The following ANKRD44 variants were observed in gnomAD, a reference collection of about 807,000 sequenced individuals.
The protein encoded by ANKRD44 is serine/threonine-protein phosphatase 6 regulatory ankyrin repeat subunit B.
Under a neutral mutation model 116.0 loss-of-function variants are expected in ANKRD44, and 35 were observed. The ratio of observed to expected loss-of-function variants is 0.30; its 90% CI spans 0.23 to 0.40. ANKRD44 has a LOEUF of 0.40. ANKRD44 is among the 10% of genes least tolerant of loss of function. The pLI is 1.00. For synonymous variants in ANKRD44, 435 were observed against 461.8 expected, an observed-to-expected ratio of 0.94 and a Z score of 0.74; for missense variants, 1,014 against 1,242.6, an observed-to-expected ratio of 0.82 and a Z score of 2.77.
chr2:197,086,822 C>T (rs1351836709), intron 12 of ANKRD44, 74 bp from the exon 13 acceptor site: 2 of 1,403,590 alleles, frequency 1.4e-6, no homozygotes, highest in Non-Finnish European at 2.0e-6. Flanking sequence ...GAGCTATTTT[C>T]TGCAGAGTAC....
At chr2:197,028,773 C>T (rs141251859) in intron 16 of ANKRD44, 10 of 206,430 alleles carry the variant, frequency 4.8e-5, no homozygotes, top group Middle Eastern at 2.2e-3. Context: ...TTTTAAGCTG[C>T]TGTTTTCTCG....
intron 20 of ANKRD44, 125 bp downstream of exon 20, chr2:197,007,681 C>CA: frequency 1.4e-6 from 1 of 697,686 alleles, no homozygotes; most frequent in East Asian, 2.5e-5. Context: ...TATTAGGAAA[C>CA]AATTTTTGCT....
At chr2:197,100,783 C>T (rs1284206953) in intron 9 of ANKRD44, among the ~76,000 whole-genome samples, 1 of 152,122 alleles carries the variant, frequency 6.6e-6, no homozygotes, top group Non-Finnish European at 1.5e-5. Context: ...AAAACTATGA[C>T]AATAATCATC....
rs777101694 is a variant in ANKRD44, at chr2:197,078,671, T to C, written c.1650+32A>G. ...GTGATTTGGGGTATGTGTGTGTGTGTGTGTTAGAGAAAACAAAACAAAACA... is the reference window on the plus strand; with the variant it reads ...GTGATTTGGGGTATGTGTGTGTGTGCGTGTTAGAGAAAACAAAACAAAACA... On this transcript the variant is annotated intron_variant, in intron 16 of 27. Coordinates refer to ENST00000282272, the MANE Select transcript of ANKRD44 (RefSeq NM_001195144.2). The C allele has an allele frequency of 5.6e-6, 9 of 1,607,426 alleles. No homozygotes were observed. In the South Asian group the frequency reaches 8.9e-5, roughly 16 times the overall value.
chr2:197,159,004 C>CACAT (rs767385333), intron 2 of ANKRD44, among the ~76,000 whole-genome samples: 1 of 151,346 alleles, frequency 6.6e-6, no homozygotes, highest in Non-Finnish European at 1.5e-5. Flanking sequence ...CACACACACA[C>CACAT]ACATACACAC....
At chr2:197,305,542 C>A (rs779525038) in intron 1 of ANKRD44, among the ~76,000 whole-genome samples, 2 of 151,848 alleles carry the variant, frequency 1.3e-5, no homozygotes, top group East Asian at 1.9e-4. Context: ...ACAATTTGTG[C>A]CTTTTTGAGT....
At chr2:197,061,513 G>A (rs931824022) in intron 16 of ANKRD44, among the ~76,000 whole-genome samples, 14 of 152,336 alleles carry the variant, frequency 9.2e-5, no homozygotes, top group Non-Finnish European at 1.2e-4. Context: ...AACAGGAGAA[G>A]AAGAAAATAG....
intron 2 of ANKRD44, among the ~76,000 whole-genome samples, chr2:197,168,405 A>C (rs182580887): frequency 1.4e-4 from 22 of 152,318 alleles, no homozygotes; most frequent in Admixed American, 1.2e-3. Context: ...GGCCTTATTT[A>C]TTTTCAAACT....
intron 23 of ANKRD44, among the ~76,000 whole-genome samples, chr2:196,999,767 A>C (rs569739994): frequency 1.3e-5 from 2 of 151,656 alleles, no homozygotes; most frequent in East Asian, 3.9e-4. Context: ...CTAATTTTTT[A>C]TATTTTTAGT....
chr2:197,020,816 T>C (rs1553487687), intron 17 of ANKRD44, among the ~76,000 whole-genome samples: 1 of 151,298 alleles, frequency 6.6e-6, no homozygotes, highest in Non-Finnish European at 1.5e-5. Context: ...ATTATTATTA[T>C]ACTTTAAGTT....
At chr2:196,971,685 G>A (rs1311102044) in intron 21 of ANKRD44, among the ~76,000 whole-genome samples, 1 of 152,098 alleles carries the variant, frequency 6.6e-6, no homozygotes, top group Non-Finnish European at 1.5e-5. Flanking sequence ...CATACCAGAA[G>A]AGGATACTGG....
intron 13 of ANKRD44, among the ~76,000 whole-genome samples, chr2:197,084,104 G>A (rs1239819777): frequency 6.6e-6 from 1 of 151,990 alleles, no homozygotes; most frequent in Non-Finnish European, 1.5e-5. Flanking sequence ...TAAAACCTTT[G>A]GTTCTCTCTA....
intron 1 of ANKRD44, among the ~76,000 whole-genome samples, chr2:197,252,970 G>T (rs970014204): frequency 1.3e-5 from 2 of 152,130 alleles, no homozygotes; most frequent in Non-Finnish European, 2.9e-5. Context: ...TAAGCTGACC[G>T]TAGGCACAGA....
At chr2:197,267,848 A>G (rs12621811) in intron 1 of ANKRD44, among the ~76,000 whole-genome samples, 6,112 of 152,340 alleles carry the variant, frequency 0.04, 209 homozygotes, top group Admixed American at 0.11. Context: ...ACACCAAGGC[A>G]GGAACTGAGA....
intron 16 of ANKRD44, among the ~76,000 whole-genome samples, chr2:197,033,731 TTTC>T (rs2076752588): frequency 7.2e-5 from 11 of 152,024 alleles, no homozygotes; most frequent in Admixed American, 7.2e-4. Flanking sequence ...TCTTTGAGAT[TTTC>T]TTCTTTGTTT....
At chr2:197,301,204 T>G (rs931961591) in intron 1 of ANKRD44, 3 of 152,286 alleles carry the variant, frequency 2.0e-5, no homozygotes, top group Non-Finnish European at 4.4e-5. Flanking sequence ...TCTTTCTGTC[T>G]GGTTTCTATT....
chr2:197,014,813 T>C (rs2076360658), intron 17 of ANKRD44, among the ~76,000 whole-genome samples: 1 of 151,744 alleles, frequency 6.6e-6, no homozygotes, highest in Non-Finnish European at 1.5e-5. Flanking sequence ...AAATGATGCT[T>C]TGTACCATCA....
intron 1 of ANKRD44, among the ~76,000 whole-genome samples, chr2:197,286,870 C>T (rs143310779): frequency 7.2e-5 from 11 of 152,082 alleles, no homozygotes; most frequent in Non-Finnish European, 1.3e-4. Context: ...ATTTATCCAA[C>T]GGTATAACAT....
intron 21 of ANKRD44, among the ~76,000 whole-genome samples, chr2:196,977,736 T>C (rs1456651921): frequency 1.3e-5 from 2 of 152,324 alleles, no homozygotes; most frequent in African/African-American, 2.4e-5. Flanking sequence ...GGAACTCTTA[T>C]ACATTGCTGA....
Sources: allele counts gnomAD v4.1 joint callset (sites outside exome capture counted in the v4.1 genomes callset), GRCh38; gene constraint gnomAD v4.1.1; transcripts MANE v1.5; gene names NCBI Gene and HGNC (gene_info 2026-07-23, HGNC 2026-07-21).